Variants in NR2F6 observed in about 807,000 individuals in gnomAD.
NR2F6 encodes ERBA-related gene-2.
In NR2F6, 16 loss-of-function variants were observed where a neutral mutation model predicts 26.5. The ratio of observed to expected loss-of-function variants is 0.60; its 90% CI spans 0.41 to 0.92. The LOEUF is 0.92. NR2F6 is among the 40% of genes least tolerant of loss of function. The probability of loss-of-function intolerance (pLI) is 0.00; values close to 1 mark genes in which losing one functional copy is unlikely to be tolerated. For missense variants in NR2F6, 536 were observed against 631.7 expected (o/e 0.85, Z 1.62); for synonymous variants, 325 against 305.0 (o/e 1.07, Z -0.68).
intron 1 of NR2F6, among the ~76,000 whole-genome samples, chr19:17,242,007 C>CT (rs1491101327): frequency 7.6e-6 from 1 of 131,522 alleles, no homozygotes; most frequent in African/African-American, 2.9e-5. Context: ...CAGAGTGAGA[C>CT]TCTGTCTCAA....
In NR2F6 at chr19:17,245,903, C is replaced by G. The variant is rs980358091; in HGVS notation, c.-683G>C. 2 of 146,356 alleles carry G rather than the reference C, an allele frequency of 1.4e-5. No homozygotes were observed. The highest frequency in any genetic ancestry group is 2.1e-4 in the South Asian group (1 of 4,868). The allele number at this position is 146,356 out of a possible 1,614,324, so 9.1% of individuals were successfully genotyped here. A position where few individuals can be genotyped will look rare whatever the true frequency, so the allele number is the denominator to read the frequency against. Reference sequence around the variant, plus strand: ...CGCCACCGACCCCGCGCGCCGGCCTCGCGCTGCGGCCGGTTTGACACACAG... The same window carrying G: ...CGCCACCGACCCCGCGCGCCGGCCTGGCGCTGCGGCCGGTTTGACACACAG... On this transcript the variant is annotated 5_prime_UTR_variant, in exon 1 of 4. Transcript: ENST00000291442. The surrounding 1 kb of genome is among the most constrained non-coding windows in gnomAD (Gnocchi z 5.0).
chr19:17,238,294 A>C (rs1227417346), intron 2 of NR2F6, among the ~76,000 whole-genome samples: 3 of 152,150 alleles, frequency 2.0e-5, no homozygotes, highest in Non-Finnish European at 4.4e-5. Flanking sequence ...CAAGACAGAC[A>C]AAAATACCTG....
intron 2 of NR2F6, among the ~76,000 whole-genome samples, chr19:17,240,219 G>T (rs1458780118): frequency 2.0e-5 from 3 of 150,498 alleles, no homozygotes; most frequent in Non-Finnish European, 3.0e-5. Flanking sequence ...ATGGGTGAAG[G>T]GTGGAGGAGA....
chr19:17,237,622 G>A (rs2073446757), intron 2 of NR2F6, among the ~76,000 whole-genome samples: 1 of 152,110 alleles, frequency 6.6e-6, no homozygotes, highest in African/African-American at 2.4e-5. Flanking sequence ...ATGTTGGCCA[G>A]GATGGTCTCA....
intron 2 of NR2F6, among the ~76,000 whole-genome samples, chr19:17,239,579 AG>A (rs1353608666): frequency 6.6e-6 from 1 of 151,082 alleles, no homozygotes; most frequent in Non-Finnish European, 1.5e-5. Context: ...GCGTGAACCC[AG>A]GGGGCGGAGC....
chr19:17,235,893 C>T lies in NR2F6; in HGVS notation c.546G>A (p.Ala182=), dbSNP rs1485420123. 3 of 1,464,288 alleles carry T rather than the reference C, an allele frequency of 2.0e-6. No homozygotes were observed. Among genetic ancestry groups the T allele is most frequent in the East Asian group, 3.0e-5 (1 of 33,774 alleles). 90.7% of individuals were successfully genotyped at this position (1,464,288 alleles called of 1,614,324 possible). Residue 182 remains alanine (A), a synonymous_variant, in exon 3 of 4, where the codon GCG becomes GCA. Transcript: ENST00000291442. The surrounding 1 kb of genome is among the most constrained non-coding windows in gnomAD (Gnocchi z 5.0). ...QLLRAEPYPA[A]AGRFGAGGGA... ...CGCCCCCTGCGCCGAAGCGTCCGGC[C>T]GCCGCAGGGTAGGGCTCAGCGCGCA...
At chr19:17,240,648 G>T in intron 2 of NR2F6, 23 bp downstream of exon 2, 1 of 1,612,072 alleles carries the variant, frequency 6.2e-7, no homozygotes, top group Admixed American at 1.7e-5. Context: ...ATCGTCCCCA[G>T]TGTGTCCCCA....
intron 3 of NR2F6, among the ~76,000 whole-genome samples, chr19:17,233,967 G>A (rs977962898): frequency 2.0e-5 from 3 of 151,828 alleles, no homozygotes; most frequent in African/African-American, 7.3e-5. Flanking sequence ...GCTCACGCCT[G>A]TAATCCCAGC....
chr19:17,240,818 GA>G, intron 1 of NR2F6, 53 bp from the exon 2 acceptor site: 1 of 1,573,916 alleles, frequency 6.4e-7, no homozygotes, highest in Non-Finnish European at 8.7e-7. Flanking sequence ...CCTCCTCCCC[GA>G]ACCAGCCTAT....
chr19:17,238,961 G>A (rs1487813684), intron 2 of NR2F6, among the ~76,000 whole-genome samples: 1 of 152,182 alleles, frequency 6.6e-6, no homozygotes, highest in Non-Finnish European at 1.5e-5. Context: ...AGCACTTTGG[G>A]AGGCTGAGGC....
chr19:17,239,277 C>T (rs573215124), intron 2 of NR2F6, among the ~76,000 whole-genome samples: 85 of 151,980 alleles, frequency 5.6e-4, no homozygotes, highest in African/African-American at 1.9e-3. Context: ...TCAGAGGTTG[C>T]AGTGAGCCGA....
At chr19:17,239,689 C>G (rs1276439917) in intron 2 of NR2F6, among the ~76,000 whole-genome samples, 1 of 149,184 alleles carries the variant, frequency 6.7e-6, no homozygotes, top group South Asian at 2.1e-4. Flanking sequence ...CGTGTTGGCC[C>G]GTATCTGTAG....
chr19:17,242,413 T>C (rs760179189), intron 1 of NR2F6, among the ~76,000 whole-genome samples: 9 of 152,194 alleles, frequency 5.9e-5, no homozygotes, highest in Non-Finnish European at 1.3e-4. Context: ...AGCCTCGGTT[T>C]CCTCATCTGA....
At position 17,245,269 on chromosome 19, in the gene NR2F6, G is replaced by A. The variant is rs1423499443; in HGVS notation, c.-49C>T. 8.3e-7 allele frequency: 1 copy of A among 1,210,672 alleles called. No individual in the cohort carries two copies. The highest frequency in any genetic ancestry group is 3.3e-4 in the Middle Eastern group (1 of 3,020). The allele number at this position is 1,210,672 out of a possible 1,614,324, so 75.0% of individuals were successfully genotyped here. Reference sequence around the variant, plus strand: ...GCGCCCCCACCGCGCTCTTCCCTCCGGGCACCCCTCTCGGCCCGGGGGACC... The same window carrying A: ...GCGCCCCCACCGCGCTCTTCCCTCCAGGCACCCCTCTCGGCCCGGGGGACC... On this transcript the variant is annotated 5_prime_UTR_variant, in exon 1 of 4. Coordinates refer to ENST00000291442, the MANE Select transcript of NR2F6 (RefSeq NM_005234.4). The surrounding 1 kb of genome is among the most constrained non-coding windows in gnomAD (Gnocchi z 5.0).
At position 17,235,959 on chromosome 19, in the gene NR2F6, G is replaced by A. The variant is rs1396918203; in HGVS notation, c.480C>T (p.Leu160=). The change falls in exon 3 of 4, where the codon CTC becomes CTT. Residue 160 remains leucine (L), a synonymous_variant. Transcript: ENST00000291442. This position sits in a 1 kb window ranked among gnomAD's most constrained non-coding sequence, Gnocchi z 5.0. ...ALAAVASGGD[L]FPGQPVSELI... The stretch of plus-strand genomic sequence containing the variant: ...GTTCGGACACCGGCTGCCCCGGGAA[G>A]AGGTCTCCGCCGCTCGCCACTGCCG... 6.1e-6 allele frequency: 9 copies of A among 1,479,376 alleles called. No individual in the cohort carries two copies. The highest frequency in any genetic ancestry group is 2.9e-5 in the East Asian group (1 of 34,524). The allele number at this position is 1,479,376 out of a possible 1,614,324, so 91.6% of individuals were successfully genotyped here.
Position 17,245,133 on chromosome 19 carries a change from C to T in NR2F6, c.88G>A (p.Asp30Asn). 2.1e-6 allele frequency: 3 copies of T among 1,455,968 alleles called. No individual in the cohort carries two copies. The highest frequency in any genetic ancestry group is 1.4e-5 in the South Asian group (1 of 71,530). 90.2% of individuals were successfully genotyped at this position (1,455,968 alleles called of 1,614,324 possible). ...GCACCGGGGGGCGAGGCCGAGTCGTCCTCGGCCGCGCGCGGGTAGCCGCCC... is the reference window on the plus strand; with the variant it reads ...GCACCGGGGGGCGAGGCCGAGTCGTTCTCGGCCGCGCGCGGGTAGCCGCCC... Reference protein sequence around the residue: ...KAGGYPRAAEDDSASPPGAAS... With the variant: ...KAGGYPRAAENDSASPPGAAS... The change falls in exon 1 of 4, where the codon GAC (aspartate) becomes AAC (asparagine). Residue 30 changes from aspartate (D) to asparagine (N), a missense_variant. Coordinates refer to ENST00000291442, the MANE Select transcript of NR2F6 (RefSeq NM_005234.4). The surrounding 1 kb of genome is among the most constrained non-coding windows in gnomAD (Gnocchi z 5.0).
Position 17,245,266 on chromosome 19 carries a change from T to C in NR2F6, c.-46A>G. On this transcript the variant is annotated 5_prime_UTR_variant, in exon 1 of 4. Transcript: ENST00000291442. This position sits in a 1 kb window ranked among gnomAD's most constrained non-coding sequence, Gnocchi z 5.0. ...GGGGCGCCCCCACCGCGCTCTTCCC[T>C]CCGGGCACCCCTCTCGGCCCGGGGG... 1.6e-6 allele frequency: 2 copies of C among 1,213,356 alleles called. No homozygotes were observed. The highest frequency in any genetic ancestry group is 3.5e-5 in the South Asian group (1 of 28,562). The allele number at this position is 1,213,356 out of a possible 1,614,324, so 75.2% of individuals were successfully genotyped here. A position where few individuals can be genotyped will look rare whatever the true frequency, so the allele number is the denominator to read the frequency against.
chr19:17,245,439 C>A lies in NR2F6; in HGVS notation c.-219G>T. 1 of 279,228 alleles carries A rather than the reference C, an allele frequency of 3.6e-6. No homozygotes were observed. The highest frequency in any genetic ancestry group is 6.3e-6 in the Non-Finnish European group (1 of 158,552). 17.3% of individuals were successfully genotyped at this position (279,228 alleles called of 1,614,324 possible). ...CCAGGCCAACTTTCCCACGCGTGCG[C>A]GGGGCCGGGCCCGGGGCCGGGAGGG... On this transcript the variant is annotated 5_prime_UTR_variant, in exon 1 of 4. Transcript: ENST00000291442. This position sits in a 1 kb window ranked among gnomAD's most constrained non-coding sequence, Gnocchi z 5.0.
chr19:17,245,364 A>C lies in NR2F6; in HGVS notation c.-144T>G. ...GCACCCCCCAAAAAAGTTTTGCAGC[A>C]ACTTCCTGCGGCCGGTCCTCGCGCC... On this transcript the variant is annotated 5_prime_UTR_variant, in exon 1 of 4. Coordinates refer to ENST00000291442, the MANE Select transcript of NR2F6 (RefSeq NM_005234.4). This position sits in a 1 kb window ranked among gnomAD's most constrained non-coding sequence, Gnocchi z 5.0. 3.0e-6 allele frequency: 2 copies of C among 664,836 alleles called. No individual in the cohort carries two copies. Among genetic ancestry groups the C allele is most frequent in the Non-Finnish European group, 4.1e-6 (2 of 493,228 alleles). The allele number at this position is 664,836 out of a possible 1,614,324, so 41.2% of individuals were successfully genotyped here. A position where few individuals can be genotyped will look rare whatever the true frequency, so the allele number is the denominator to read the frequency against.
Sources: gnomAD v4.1 joint callset for allele counts (sites outside exome capture counted in the v4.1 genomes callset) on GRCh38, gnomAD v4.1.1 for gene constraint, Gnocchi (gnomAD v3.1) non-coding constraint, MANE v1.5 for transcripts, NCBI Gene and HGNC (gene_info 2026-07-23, HGNC 2026-07-21) for gene names.